CDH8: variants seen among roughly 807,000 people sequenced by gnomAD.
CDH8 encodes the protein cadherin 8.
A neutral mutation model predicts 68.1 loss-of-function variants in CDH8; 17 were observed. The ratio of observed to expected loss-of-function variants is 0.25; its 90% CI spans 0.17 to 0.37. The LOEUF is 0.37. Ranked by LOEUF, CDH8 falls within the 10% of genes least tolerant of loss-of-function variation. The probability of loss-of-function intolerance (pLI) is 1.00; values close to 1 mark genes in which losing one functional copy is unlikely to be tolerated. For missense variants in CDH8, 763 were observed against 999.3 expected (o/e 0.76, Z 3.19); for synonymous variants, 372 against 365.1 (o/e 1.02, Z -0.21).
intron 8 of CDH8, among the ~76,000 whole-genome samples, chr16:61,778,333 G>T (rs893911501): frequency 6.6e-6 from 1 of 152,046 alleles, no homozygotes. Context: ...GTAAGCATGT[G>T]CCTGCTTCAT....
chr16:61,667,432 C>T (rs1963702195), intron 10 of CDH8: 2 of 151,996 alleles, frequency 1.3e-5, no homozygotes, highest in African/African-American at 4.8e-5. Flanking sequence ...CAGAAGATCA[C>T]TTGGCAGGCT....
intron 8 of CDH8, among the ~76,000 whole-genome samples, chr16:61,735,227 T>A (rs1474941489): frequency 6.6e-6 from 1 of 152,112 alleles, no homozygotes; most frequent in African/African-American, 2.4e-5. Flanking sequence ...CTTGGCAGGT[T>A]TCTGGGGTTT....
At chr16:61,700,191 T>C (rs924078891) in intron 10 of CDH8, among the ~76,000 whole-genome samples, 1 of 152,172 alleles carries the variant, frequency 6.6e-6, no homozygotes, top group South Asian at 2.1e-4. Context: ...AGAGTGCTGA[T>C]GTCTCTTTGA....
chr16:61,918,898 G>A, intron 2 of CDH8, among the ~76,000 whole-genome samples: 1 of 150,402 alleles, frequency 6.6e-6, no homozygotes, highest in African/African-American at 2.4e-5. Context: ...AGTAACCTCT[G>A]TAGACTTAAA....
chr16:61,944,141 A>G (rs559050629), intron 2 of CDH8, among the ~76,000 whole-genome samples: 1 of 152,290 alleles, frequency 6.6e-6, no homozygotes, highest in African/African-American at 2.4e-5. Context: ...ATTGTTCATT[A>G]CCTCAGAGGG....
chr16:61,713,968 A>G lies in CDH8; in HGVS notation c.1537-10T>C, dbSNP rs1964675983. On this transcript the variant is annotated splice_polypyrimidine_tract_variant and intron_variant, in intron 9 of 11. Coordinates refer to ENST00000577390, the MANE Select transcript of CDH8 (RefSeq NM_001796.5). ...TAACAGTTTGAATGACCTGAAACAT[A>G]AAACTTGACGTCAGCATTTCTGATG... The G allele has an allele frequency of 4.0e-6, 6 of 1,486,432 alleles. No homozygotes were observed. The highest frequency in any genetic ancestry group is 5.6e-6 in the Non-Finnish European group (6 of 1,064,768). The allele number at this position is 1,486,432 out of a possible 1,614,324, so 92.1% of individuals were successfully genotyped here.
intron 4 of CDH8, among the ~76,000 whole-genome samples, chr16:61,838,106 G>T (rs1300216635): frequency 1.3e-5 from 2 of 151,902 alleles, no homozygotes; most frequent in African/African-American, 4.8e-5. Flanking sequence ...AGATTAAGTG[G>T]CTTGTGCTTT....
intron 2 of CDH8, among the ~76,000 whole-genome samples, chr16:61,991,597 T>C (rs1368003451): frequency 6.6e-6 from 1 of 152,224 alleles, no homozygotes; most frequent in Non-Finnish European, 1.5e-5. Flanking sequence ...ACCGAGTTTC[T>C]TGCAGAATAA....
intron 4 of CDH8, among the ~76,000 whole-genome samples, chr16:61,832,020 G>A (rs1263765412): frequency 6.6e-6 from 1 of 151,518 alleles, no homozygotes; most frequent in African/African-American, 2.4e-5. Context: ...TAAGTGGGGG[G>A]GTCATGTACT....
At chr16:61,669,984 T>C (rs1238030280) in intron 10 of CDH8, among the ~76,000 whole-genome samples, 1 of 152,098 alleles carries the variant, frequency 6.6e-6, no homozygotes, top group East Asian at 1.9e-4. Context: ...CTCTCCCACT[T>C]ACCTATTAAG....
intron 2 of CDH8, among the ~76,000 whole-genome samples, chr16:62,013,960 C>A (rs1901878617): frequency 1.3e-5 from 2 of 152,178 alleles, no homozygotes; most frequent in African/African-American, 4.8e-5. Context: ...ATGCAAGATT[C>A]TTCTTATAAG....
chr16:61,717,681 C>T (rs1430908732), intron 9 of CDH8, among the ~76,000 whole-genome samples: 2 of 151,390 alleles, frequency 1.3e-5, no homozygotes, highest in Non-Finnish European at 3.0e-5. Flanking sequence ...GAACCTCTTC[C>T]GTGAGTTCCT....
intron 10 of CDH8, among the ~76,000 whole-genome samples, chr16:61,656,286 T>G (rs1173236681): frequency 6.6e-6 from 1 of 152,170 alleles, no homozygotes; most frequent in Non-Finnish European, 1.5e-5. Flanking sequence ...AAATATTTCT[T>G]TTACAAAAAT....
chr16:62,028,364 G>C (rs781674361), intron 1 of CDH8, among the ~76,000 whole-genome samples: 2 of 151,676 alleles, frequency 1.3e-5, no homozygotes, highest in Non-Finnish European at 2.9e-5. Context: ...CACCGCGACC[G>C]GCCTCAAATC....
chr16:61,802,054 T>G (rs954676353), intron 7 of CDH8, among the ~76,000 whole-genome samples: 4 of 144,506 alleles, frequency 2.8e-5, no homozygotes, highest in Non-Finnish European at 6.0e-5. Flanking sequence ...CTCTGCAGAC[T>G]TAAGTGTCCC....
chr16:61,997,302 C>T (rs1311787721), intron 2 of CDH8, among the ~76,000 whole-genome samples: 1 of 152,036 alleles, frequency 6.6e-6, no homozygotes, highest in Non-Finnish European at 1.5e-5. Flanking sequence ...TTCTTTGAAG[C>T]CCTGCCTGTA....
intron 2 of CDH8, among the ~76,000 whole-genome samples, chr16:61,949,349 T>C (rs1375342152): frequency 6.6e-6 from 1 of 152,104 alleles, no homozygotes; most frequent in Non-Finnish European, 1.5e-5. Context: ...ATCAGCACTC[T>C]GTAAAATGGA....
chr16:61,997,914 A>G (rs55794028), intron 2 of CDH8, among the ~76,000 whole-genome samples: 15,134 of 152,262 alleles, frequency 0.099, 1,101 homozygotes, highest in African/African-American at 0.21. Context: ...GAAACTAAAA[A>G]GATATGACAA....
At chr16:61,850,713 G>A (rs1962921065) in intron 4 of CDH8, among the ~76,000 whole-genome samples, 1 of 151,798 alleles carries the variant, frequency 6.6e-6, no homozygotes, top group Non-Finnish European at 1.5e-5. Context: ...TTATTTAATA[G>A]CTCCCCTTAC....
Sources: gnomAD v4.1 joint callset for allele counts (sites outside exome capture counted in the v4.1 genomes callset) on GRCh38, gnomAD v4.1.1 for gene constraint, MANE v1.5 for transcripts, NCBI Gene and HGNC (gene_info 2026-07-23, HGNC 2026-07-21) for gene names.